DPYD: variants seen among roughly 807,000 people sequenced by gnomAD.
DPYD encodes dihydropyrimidine dehydrogenase, also known as dihydropyrimidine dehydrogenase [NADP(+)].
A neutral mutation model predicts 116.2 loss-of-function variants in DPYD; 109 were observed. That is an observed-to-expected ratio of 0.94 (90% CI 0.80 to 1.10). The LOEUF is 1.10. DPYD is among the 50% of genes least tolerant of loss of function. The pLI, the probability that DPYD is intolerant of heterozygous loss-of-function variation, is 0.00. For synonymous variants in DPYD, 440 were observed against 432.0 expected (o/e 1.02, Z -0.23); for missense variants, 1,302 against 1,254.5 (o/e 1.04, Z -0.57).
At chr1:97,728,963 G>C (rs1475711207) in intron 4 of DPYD, among the ~76,000 whole-genome samples, 1 of 151,918 alleles carries the variant, frequency 6.6e-6, no homozygotes, top group African/African-American at 2.4e-5. Context: ...AAAAAAAAAT[G>C]GAGATAGAAG....
At chr1:97,629,967 A>G (rs918777973) in intron 8 of DPYD, among the ~76,000 whole-genome samples, 1 of 152,072 alleles carries the variant, frequency 6.6e-6, no homozygotes, top group Non-Finnish European at 1.5e-5. Context: ...TAAAGTATGT[A>G]ACCTTTTAGA....
At chr1:97,516,728 A>G (rs901339478) in intron 12 of DPYD, among the ~76,000 whole-genome samples, 3 of 152,026 alleles carry the variant, frequency 2.0e-5, no homozygotes, top group Non-Finnish European at 2.9e-5. Context: ...GAAACATCAT[A>G]CATAGGTGCT....
At chr1:97,315,046 A>C (rs1239372465) in intron 16 of DPYD, among the ~76,000 whole-genome samples, 1 of 151,990 alleles carries the variant, frequency 6.6e-6, no homozygotes, top group Non-Finnish European at 1.5e-5. Context: ...ACTTTCTGCA[A>C]TGTTGAGGAG....
At chr1:97,540,135 C>A (rs1055160993) in intron 12 of DPYD, among the ~76,000 whole-genome samples, 2 of 150,704 alleles carry the variant, frequency 1.3e-5, no homozygotes, top group Non-Finnish European at 2.9e-5. Flanking sequence ...CACTATCTAC[C>A]TGATGATAGC....
At chr1:97,581,325 T>C (rs1418885005) in intron 10 of DPYD, among the ~76,000 whole-genome samples, 1 of 8,542 alleles carries the variant, frequency 1.2e-4, no homozygotes, top group Non-Finnish European at 3.0e-4. Context: ...AGACTCAGTC[T>C]CAAAAAAAAA....
intron 8 of DPYD, among the ~76,000 whole-genome samples, chr1:97,664,769 T>C (rs1659470091): frequency 6.6e-6 from 1 of 152,086 alleles, no homozygotes; most frequent in Non-Finnish European, 1.5e-5. Flanking sequence ...ATGCTGCCTT[T>C]ATGAATTTTA....
chr1:97,758,336 A>G (rs1280237552), intron 3 of DPYD, among the ~76,000 whole-genome samples: 1 of 150,328 alleles, frequency 6.7e-6, no homozygotes, highest in African/African-American at 2.4e-5. Context: ...CACATATGTC[A>G]AAAGTGTTAT....
intron 20 of DPYD, among the ~76,000 whole-genome samples, chr1:97,181,499 T>C (rs1657641041): frequency 6.6e-6 from 1 of 152,130 alleles, no homozygotes. Context: ...ACCTGGAAAG[T>C]GAACACTTCT....
intron 3 of DPYD, among the ~76,000 whole-genome samples, chr1:97,757,491 G>A (rs1665313896): frequency 6.6e-6 from 1 of 152,100 alleles, no homozygotes; most frequent in South Asian, 2.1e-4. Context: ...TGCATTTTCA[G>A]CAGCAGCCAC....
At chr1:97,212,094 C>T (rs534868629) in intron 19 of DPYD, among the ~76,000 whole-genome samples, 20 of 149,718 alleles carry the variant, frequency 1.3e-4, no homozygotes, top group Non-Finnish European at 2.7e-4. Context: ...GCATAAAACT[C>T]GCCCACTATA....
intron 18 of DPYD, among the ~76,000 whole-genome samples, chr1:97,293,103 T>C (rs528391010): frequency 1.3e-5 from 2 of 152,284 alleles, no homozygotes; most frequent in East Asian, 3.9e-4. Flanking sequence ...AGCACAGAGG[T>C]TAATAGGAAT....
At chr1:97,341,431 A>C (rs1358699859) in intron 16 of DPYD, among the ~76,000 whole-genome samples, 2 of 152,046 alleles carry the variant, frequency 1.3e-5, no homozygotes, top group Non-Finnish European at 2.9e-5. Flanking sequence ...CTCTCTCCTA[A>C]AGTAATATAA....
At chr1:97,864,368 A>G (rs1211779129) in intron 2 of DPYD, among the ~76,000 whole-genome samples, 1 of 151,922 alleles carries the variant, frequency 6.6e-6, no homozygotes, top group Non-Finnish European at 1.5e-5. Flanking sequence ...TTGAAGCCTG[A>G]AGGTCAAGAT....
At chr1:97,242,518 G>C (rs1015668642) in intron 18 of DPYD, among the ~76,000 whole-genome samples, 4 of 151,488 alleles carry the variant, frequency 2.6e-5, no homozygotes, top group Admixed American at 6.6e-5. Flanking sequence ...ACTGTTCACA[G>C]GTATCATCTC....
At chr1:97,142,606 A>T (rs1570539933) in intron 20 of DPYD, among the ~76,000 whole-genome samples, 2 of 152,222 alleles carry the variant, frequency 1.3e-5, no homozygotes, top group Admixed American at 1.3e-4. Context: ...TCAGTAGTAG[A>T]CTTAAAACAC....
At chr1:97,909,473 T>A (rs1673816436) in intron 1 of DPYD, among the ~76,000 whole-genome samples, 2 of 152,124 alleles carry the variant, frequency 1.3e-5, no homozygotes, top group Non-Finnish European at 2.9e-5. Context: ...AAAACTTTTC[T>A]CCAGCATTTC....
intron 13 of DPYD, among the ~76,000 whole-genome samples, chr1:97,500,477 A>G (rs1032388964): frequency 2.0e-5 from 3 of 152,058 alleles, no homozygotes; most frequent in African/African-American, 7.2e-5. Flanking sequence ...AATGTCTTCT[A>G]ATCAGTCATT....
At chr1:97,689,365 C>T (rs954295355) in intron 7 of DPYD, among the ~76,000 whole-genome samples, 4 of 151,856 alleles carry the variant, frequency 2.6e-5, no homozygotes, top group Non-Finnish European at 2.9e-5. Context: ...ACTAAGTATA[C>T]AGGACTGGAG....
chr1:97,169,529 T>C (rs1570592696), intron 20 of DPYD, among the ~76,000 whole-genome samples: 1 of 99,550 alleles, frequency 1.0e-5, no homozygotes, highest in Non-Finnish European at 2.4e-5. Flanking sequence ...TTAATTTTTA[T>C]TTTATTTTAT....
Sources: gnomAD v4.1 joint callset for allele counts (sites outside exome capture counted in the v4.1 genomes callset) on GRCh38, gnomAD v4.1.1 for gene constraint, MANE v1.5 for transcripts, NCBI Gene and HGNC (gene_info 2026-07-23, HGNC 2026-07-21) for gene names.